Variants in HSPG2 observed in about 807,000 individuals in gnomAD.
The protein encoded by HSPG2 is heparan sulfate proteoglycan 2, also known as basement membrane-specific heparan sulfate proteoglycan core protein.
HSPG2 carries 278 observed loss-of-function variants against 526.6 expected under a neutral mutation model. That is an observed-to-expected ratio of 0.53 (90% CI 0.48 to 0.58). The LOEUF is 0.58. Among genes scored for constraint, HSPG2 ranks in the 20% least tolerant of loss-of-function variants. The pLI is 0.00. For missense variants in HSPG2, 5,354 were observed against 6,099.5 expected (o/e 0.88, Z 4.07); for synonymous variants, 2,465 against 2,555.4 (o/e 0.96, Z 1.07).
chr1:21,918,652 G>A (rs995865107), intron 1 of HSPG2, among the ~76,000 whole-genome samples: 1 of 152,064 alleles, frequency 6.6e-6, no homozygotes, highest in South Asian at 2.1e-4. Context: ...GGGAAGTGAT[G>A]GTGAAATTAA....
At position 21,841,230 on chromosome 1, in the gene HSPG2, C is replaced by T; in HGVS notation, c.9384G>A (p.Lys3128=). The T allele has an allele frequency of 1.2e-6, 2 of 1,613,920 alleles. No individual in the cohort carries two copies. Among genetic ancestry groups the T allele is most frequent in the Non-Finnish European group, 1.7e-6 (2 of 1,180,046 alleles). ...CACTGACACACTCCAGGGTGACAGC[C>T]TTTCCCACTTTCACCCACACGGGGC... ...PEGPVWVKVG[K]AVTLECVSAG... is the part of the protein sequence containing the mutation. The change falls in exon 71 of 97, where the codon AAG becomes AAA. Residue 3128 remains lysine (K), a synonymous_variant. Coordinates refer to ENST00000374695, the MANE Select transcript of HSPG2 (RefSeq NM_005529.7).
Position 21,848,961 on chromosome 1 carries a change from A to G in HSPG2, c.7517T>C (p.Val2506Ala), listed in dbSNP as rs1490355105. The change falls in exon 58 of 97, where the codon GTC becomes GCC. Residue 2506 changes from valine (V) to alanine (A), a missense_variant. Physicochemically the swap from Val to Ala is moderately conservative, Grantham distance 64 (BLOSUM62 0). Coordinates refer to ENST00000374695, the MANE Select transcript of HSPG2 (RefSeq NM_005529.7). The surrounding 1 kb of genome is among the most constrained non-coding windows in gnomAD (Gnocchi z 4.9). ...ADSGEYVCRV[V>A]GSSGTQEASV... ...GGCTTCCTGGGTACCTGAGCTGCCG[A>G]CCACACGGCACACGTACTCCCCTGA... 6.2e-7 allele frequency: 1 copy of G among 1,613,804 alleles called. No homozygotes were observed. The highest frequency in any genetic ancestry group is 1.7e-5 in the Admixed American group (1 of 59,978).
Position 21,852,872 on chromosome 1 carries a change from G to A in HSPG2, c.6592-40C>T, listed in dbSNP as rs369313685. On this transcript the variant is annotated intron_variant, in intron 51 of 96. Transcript: ENST00000374695. ...GGTGGGTTGGGAGGGGGCTGGAACAGTCCCATCCAGCCCCTCCAGCAAGGT... is the reference window on the plus strand; with the variant it reads ...GGTGGGTTGGGAGGGGGCTGGAACAATCCCATCCAGCCCCTCCAGCAAGGT... The A allele has an allele frequency of 1.5e-4, 240 of 1,611,608 alleles. No individual in the cohort carries two copies. The East Asian group carries it at 3.7e-3, about 25-fold the overall frequency.
intron 53 of HSPG2, 76 bp downstream of exon 53, chr1:21,852,012 C>T: frequency 6.2e-7 from 1 of 1,610,992 alleles, no homozygotes; most frequent in South Asian, 1.1e-5. Context: ...TAGGAAGTGC[C>T]AGCCCCTCAG....
rs369931292 is a variant in HSPG2, at chr1:21,828,445, C to T, written c.12238-19G>A. The T allele has an allele frequency of 7.7e-5, 124 of 1,611,822 alleles. No individual in the cohort carries two copies. The highest frequency in any genetic ancestry group is 9.3e-5 in the Non-Finnish European group (110 of 1,179,832). On this transcript the variant is annotated intron_variant, in intron 88 of 96. Transcript: ENST00000374695. This position sits in a 1 kb window ranked among gnomAD's most constrained non-coding sequence, Gnocchi z 6.0. The stretch of plus-strand genomic sequence containing the variant: ...CTGACACCTGTGGGGACAGGGACAC[C>T]GAGGGACTAAAGGGGCCTGGGAGGC...
At chr1:21,851,418 A>G (rs989919020) in intron 55 of HSPG2, 128 bp downstream of exon 55, 6 of 1,371,834 alleles carry the variant, frequency 4.4e-6, no homozygotes, top group East Asian at 2.4e-5. Context: ...TAACCACTGC[A>G]CTATACATCT....
At chr1:21,846,345 G>A in intron 63 of HSPG2, 90 bp from the exon 64 acceptor site, 4 of 1,607,484 alleles carry the variant, frequency 2.5e-6, no homozygotes, top group Non-Finnish European at 2.6e-6. Flanking sequence ...CTGACACAGG[G>A]GGGTACTGCA....
rs751898482 is a variant in HSPG2, at chr1:21,851,717, CCGGT to C, written c.7007-24_7007-21del. The C allele has an allele frequency of 1.2e-6, 2 of 1,613,834 alleles. No individual in the cohort carries two copies. Among genetic ancestry groups the C allele is most frequent in the Non-Finnish European group, 1.7e-6 (2 of 1,180,038 alleles). ...CGGCAGCTGAGGGATAAGATGGTCA[CCGGT>C]CACTCCTGTTCTCTGAAGCCACTCC... On this transcript the variant is annotated intron_variant, in intron 54 of 96. Coordinates refer to ENST00000374695, the MANE Select transcript of HSPG2 (RefSeq NM_005529.7).
rs1246246993 is a variant in HSPG2, at chr1:21,875,866, C to T, written c.3180G>A (p.Arg1060=). The change falls in exon 24 of 97, where the codon CGG becomes CGA. Residue 1060 remains arginine, a synonymous_variant. Coordinates refer to ENST00000374695, the MANE Select transcript of HSPG2 (RefSeq NM_005529.7). ...GQPSTFIVPF[R]EQAWQRPDGQ... is the part of the protein sequence containing the mutation. Reference sequence around the variant, plus strand: ...CCCAGGGGACAGTATTGCTCACCTCCCGGAAAGGCACAATGAAGGTGCTGG... The same window carrying T: ...CCCAGGGGACAGTATTGCTCACCTCTCGGAAAGGCACAATGAAGGTGCTGG... 3 of 1,613,904 alleles carry T rather than the reference C, an allele frequency of 1.9e-6. No homozygotes were observed. In the African/African-American group the frequency reaches 4.0e-5, roughly 22 times the overall value.
At chr1:21,829,860 C>T in intron 86 of HSPG2, 133 bp downstream of exon 86, 2 of 851,866 alleles carry the variant, frequency 2.3e-6, no homozygotes, top group Non-Finnish European at 3.8e-6. Flanking sequence ...GACATGTGGC[C>T]AGGTGACTTC....
rs759184289 is a variant in HSPG2 at position 21,848,015 on chromosome 1, C to T, written c.7816G>A (p.Ala2606Thr). 1.9e-6 allele frequency: 3 copies of T among 1,613,384 alleles called. No homozygotes were observed. The highest frequency in any genetic ancestry group is 2.2e-5 in the South Asian group (2 of 91,066). The change falls in exon 60 of 97, where the codon GCA (alanine) becomes ACA (threonine). Residue 2606 changes from alanine (A) to threonine (T), a missense_variant. Transcript: ENST00000374695. This position sits in a 1 kb window ranked among gnomAD's most constrained non-coding sequence, Gnocchi z 4.9. ...ATGAGCGAGGTCTCCCGGGAGCCTG[C>T]ACCGTTACTGACGTGACACACGTAC... ...GEYVCHVSNG[A>T]GSRETSLIVT...
intron 23 of HSPG2, 38 bp downstream of exon 23, chr1:21,876,191 T>C (rs1457870669): frequency 6.3e-7 from 1 of 1,581,838 alleles, no homozygotes; most frequent in African/African-American, 1.3e-5. Flanking sequence ...CTGTTCCTGC[T>C]GCCTGGAGTT....
intron 1 of HSPG2, among the ~76,000 whole-genome samples, chr1:21,934,075 C>A (rs1398059957): frequency 2.0e-5 from 3 of 152,222 alleles, no homozygotes; most frequent in African/African-American, 4.8e-5. Context: ...CCTGCCGAGT[C>A]ACCCAGGCCC....
At position 21,864,220 on chromosome 1, in the gene HSPG2, G is replaced by A. The variant is rs978511013; in HGVS notation, c.4627-7C>T. 1.3e-6 allele frequency: 2 copies of A among 1,550,146 alleles called. No homozygotes were observed. The highest frequency in any genetic ancestry group is 2.7e-5 in the African/African-American group (2 of 73,142). On this transcript the variant is annotated splice_polypyrimidine_tract_variant and splice_region_variant and intron_variant, in intron 36 of 96. Transcript: ENST00000374695. The surrounding 1 kb of genome is among the most constrained non-coding windows in gnomAD (Gnocchi z 4.8). ...TGTAGCCGGGGGCACAGTCCTAGGG[G>A]CAGAGAGGAAGGTTGGCCTCTGTTC... is the stretch of plus-strand genomic sequence containing the variant.
intron 14 of HSPG2, among the ~76,000 whole-genome samples, chr1:21,881,098 C>A (rs1641467505): frequency 6.6e-6 from 1 of 152,184 alleles, no homozygotes; most frequent in South Asian, 2.1e-4. Flanking sequence ...AGAACCCAGC[C>A]CAGGCATGGG....
intron 38 of HSPG2, 52 bp from the exon 39 acceptor site, chr1:21,861,895 G>A: frequency 6.2e-7 from 1 of 1,612,774 alleles, no homozygotes; most frequent in Non-Finnish European, 8.5e-7. Context: ...TCTCCATCTT[G>A]CTCCCTTCAC....
intron 1 of HSPG2, among the ~76,000 whole-genome samples, chr1:21,899,510 C>A (rs763489177): frequency 6.6e-6 from 1 of 152,070 alleles, no homozygotes; most frequent in Non-Finnish European, 1.5e-5. Context: ...TCAGGTTACC[C>A]GTGGAAACTG....
chr1:21,907,246 G>A lies in HSPG2; in HGVS notation c.64-10936C>T, dbSNP rs564929656. The stretch of plus-strand genomic sequence containing the variant: ...AGAGAGCTTCGTTCAGCTGCTGAGT[G>A]CAGAGACCGGGGCAGGGGCTCACTC... On this transcript the variant is annotated intron_variant, in intron 1 of 96. Coordinates refer to ENST00000374695, the MANE Select transcript of HSPG2 (RefSeq NM_005529.7). Among the ~76,000 whole-genome samples, 13 of 152,310 alleles carry A rather than the reference G, an allele frequency of 8.5e-5. No individual in the cohort carries two copies. In the East Asian group the frequency reaches 2.3e-3, roughly 27 times the overall value.
rs551346150 is a variant in HSPG2, at chr1:21,826,107, G to A, written c.12590-1328C>T. On this transcript the variant is annotated intron_variant, in intron 91 of 96. Coordinates refer to ENST00000374695, the MANE Select transcript of HSPG2 (RefSeq NM_005529.7). ...CTTATTTTTTATTTTTTTGAGACAG[G>A]GTCTCAGTCTGTTGCCCAGGCTAGA... Among the ~76,000 whole-genome samples the A allele has an allele frequency of 1.1e-4, 17 of 149,520 alleles. No individual in the cohort carries two copies. The South Asian group carries it at 3.6e-3, about 32-fold the overall frequency.
Sources: allele counts gnomAD v4.1 joint callset (sites outside exome capture counted in the v4.1 genomes callset), GRCh38; gene constraint gnomAD v4.1.1; non-coding constraint Gnocchi (gnomAD v3.1); transcripts MANE v1.5; gene names NCBI Gene and HGNC (gene_info 2026-07-23, HGNC 2026-07-21).